Variants in PTPRD observed in about 807,000 individuals in gnomAD.
PTPRD encodes the protein protein tyrosine phosphatase receptor type D.
A neutral mutation model predicts 214.5 loss-of-function variants in PTPRD; 34 were observed. That is an observed-to-expected ratio of 0.16 (90% confidence interval 0.12 to 0.21). The LOEUF (loss-of-function observed/expected upper bound fraction) is 0.21, where lower values mean the gene tolerates loss of function less well. Ranked by LOEUF, PTPRD falls within the 10% of genes least tolerant of loss-of-function variation. The probability of loss-of-function intolerance (pLI) is 1.00; values close to 1 mark genes in which losing one functional copy is unlikely to be tolerated. For missense variants in PTPRD, 2,545 were observed against 2,398.7 expected (o/e 1.06, Z -1.27); for synonymous variants, 1,128 against 845.7 (o/e 1.33, Z -5.79).
At chr9:9,670,919 TG>T (rs2096820514) in intron 7 of PTPRD, among the ~76,000 whole-genome samples, 1 of 152,032 alleles carries the variant, frequency 6.6e-6, no homozygotes, top group Admixed American at 6.6e-5. Context: ...AATGTGGGGT[TG>T]GAGATCCCCA....
intron 4 of PTPRD, among the ~76,000 whole-genome samples, chr9:9,942,954 A>T (rs541350520): frequency 1.4e-4 from 21 of 151,490 alleles, no homozygotes; most frequent in African/African-American, 4.8e-4. Flanking sequence ...ATATATGAAA[A>T]CTGAAAATCA....
chr9:9,040,031 A>C (rs2099634525), intron 10 of PTPRD, among the ~76,000 whole-genome samples: 1 of 151,948 alleles, frequency 6.6e-6, no homozygotes, highest in African/African-American at 2.4e-5. Context: ...ACAGATGAGG[A>C]AGCTACAATT....
intron 8 of PTPRD, among the ~76,000 whole-genome samples, chr9:9,564,310 G>A (rs1369221906): frequency 6.6e-6 from 1 of 152,056 alleles, no homozygotes; most frequent in Non-Finnish European, 1.5e-5. Context: ...AGTTCTTGAA[G>A]TACTCTTTCT....
chr9:8,849,810 G>A (rs1055503609), intron 11 of PTPRD, among the ~76,000 whole-genome samples: 1 of 152,232 alleles, frequency 6.6e-6, no homozygotes, highest in East Asian at 1.9e-4. Context: ...GGGCTCTGAT[G>A]GCTGTGTTGA....
At chr9:9,925,013 C>T (rs60587294) in intron 5 of PTPRD, among the ~76,000 whole-genome samples, 5,903 of 151,990 alleles carry the variant, frequency 0.039, 202 homozygotes, top group East Asian at 0.19. Context: ...TAGTCAATAC[C>T]GAGTAGCAAT....
chr9:9,313,313 T>C (rs528256201), intron 9 of PTPRD, among the ~76,000 whole-genome samples: 1 of 152,238 alleles, frequency 6.6e-6, no homozygotes, highest in East Asian at 1.9e-4. Context: ...GTTGGACCAG[T>C]TAAGAGTTAG....
chr9:9,522,351 T>C (rs148013540), intron 8 of PTPRD, among the ~76,000 whole-genome samples: 1 of 152,244 alleles, frequency 6.6e-6, no homozygotes. Flanking sequence ...GAAGGGCACA[T>C]ATGTTGTAGA....
rs567183406 is a variant in PTPRD at position 8,574,384 on chromosome 9, G to A, written c.353-45605C>T. On this transcript the variant is annotated intron_variant, in intron 14 of 45. Coordinates refer to ENST00000381196, the MANE Select transcript of PTPRD (RefSeq NM_002839.4). The stretch of plus-strand genomic sequence containing the variant: ...ATATTGTCCTCTGATAAAAACATCT[G>A]AACATTTTAATTCATGATGATGATA... 2.0e-5 allele frequency among the ~76,000 whole-genome samples: 3 copies of A among 151,908 alleles called. No individual in the cohort carries two copies. In the East Asian group the frequency reaches 5.8e-4, roughly 29 times the overall value.
intron 14 of PTPRD, among the ~76,000 whole-genome samples, chr9:8,583,414 G>A (rs1160789433): frequency 6.6e-6 from 1 of 152,082 alleles, no homozygotes; most frequent in Non-Finnish European, 1.5e-5. Flanking sequence ...TGAACTCCTG[G>A]GCTCAAGAAA....
At chr9:9,783,846 T>G (rs1167537916) in intron 5 of PTPRD, among the ~76,000 whole-genome samples, 1 of 151,146 alleles carries the variant, frequency 6.6e-6, no homozygotes, top group Non-Finnish European at 1.5e-5. Context: ...TTAATTAAAC[T>G]TGGTTTGCTC....
chr9:8,368,466 A>G (rs1025601406), intron 39 of PTPRD, among the ~76,000 whole-genome samples: 2 of 152,126 alleles, frequency 1.3e-5, no homozygotes, highest in African/African-American at 4.8e-5. Context: ...CCTTCATCAA[A>G]TAGACCTGAT....
At chr9:10,029,634 T>A (rs1248096977) in intron 4 of PTPRD, among the ~76,000 whole-genome samples, 1 of 152,214 alleles carries the variant, frequency 6.6e-6, no homozygotes, top group Non-Finnish European at 1.5e-5. Flanking sequence ...TTGGAACGGC[T>A]GTATTTCCCC....
intron 11 of PTPRD, among the ~76,000 whole-genome samples, chr9:8,784,951 G>C (rs989049063): frequency 6.6e-6 from 1 of 152,104 alleles, no homozygotes; most frequent in Non-Finnish European, 1.5e-5. Context: ...TTTTCTTCAA[G>C]TTTCAAATGA....
rs1400992051 is a variant in PTPRD at position 8,465,558 on chromosome 9, C to T, written c.3622G>A (p.Asp1208Asn). ...VLPTEFTLGD[D>N]KHYGGFTNKQ... Reference sequence around the variant, plus strand: ...TTTGTAAATCCACCATAATGCTTGTCATCCCCCAGGGTGAACTCAGTGGGA... The same window carrying T: ...TTTGTAAATCCACCATAATGCTTGTTATCCCCCAGGGTGAACTCAGTGGGA... Residue 1208 changes from aspartate to asparagine, a missense_variant, in exon 32 of 46, where the codon GAC (aspartate) becomes AAC (asparagine). Coordinates refer to ENST00000381196, the MANE Select transcript of PTPRD (RefSeq NM_002839.4). 3.7e-6 allele frequency: 6 copies of T among 1,612,660 alleles called. No individual in the cohort carries two copies. Among genetic ancestry groups the T allele is most frequent in the Non-Finnish European group, 5.1e-6 (6 of 1,179,082 alleles).
chr9:8,753,936 G>A (rs2093755294), intron 11 of PTPRD, among the ~76,000 whole-genome samples: 1 of 152,116 alleles, frequency 6.6e-6, no homozygotes, highest in Admixed American at 6.5e-5. Context: ...CCTGAGGTCA[G>A]GAGTTCAAGA....
rs183190046 is a variant in PTPRD at position 10,607,101 on chromosome 9, T to C, written c.-600+5297A>G. The stretch of plus-strand genomic sequence containing the variant: ...GCTATCTCTGATCTCATGTGAAATG[T>C]ATATAATCGAATATGAAATTATTCT... On this transcript the variant is annotated intron_variant, in intron 2 of 45. Coordinates refer to ENST00000381196, the MANE Select transcript of PTPRD (RefSeq NM_002839.4). Among the ~76,000 whole-genome samples, 591 of 152,016 alleles carry C rather than the reference T, an allele frequency of 3.9e-3. 5 individuals are homozygous for C. The highest frequency in any genetic ancestry group is 3.5e-3 in the Non-Finnish European group (235 of 67,814).
intron 5 of PTPRD, among the ~76,000 whole-genome samples, chr9:9,896,794 G>A (rs1343434619): frequency 6.6e-6 from 1 of 151,954 alleles, no homozygotes; most frequent in Non-Finnish European, 1.5e-5. Context: ...TAAATATAAT[G>A]TAAAAATGAC....
intron 2 of PTPRD, among the ~76,000 whole-genome samples, chr9:10,390,500 G>A (rs1055851062): frequency 2.4e-4 from 37 of 151,820 alleles, no homozygotes; most frequent in African/African-American, 8.9e-4. Flanking sequence ...CGAGTTTGCA[G>A]TAACAGTAGT....
intron 9 of PTPRD, among the ~76,000 whole-genome samples, chr9:9,277,779 A>G (rs370394212): frequency 2.0e-5 from 3 of 151,348 alleles, no homozygotes; most frequent in Non-Finnish European, 4.4e-5. Flanking sequence ...TACATTACCA[A>G]CATTTTTGGA....
Sources: gnomAD v4.1 joint callset for allele counts (sites outside exome capture counted in the v4.1 genomes callset) on GRCh38, gnomAD v4.1.1 for gene constraint, MANE v1.5 for transcripts, NCBI Gene and HGNC (gene_info 2026-07-23, HGNC 2026-07-21) for gene names.